The following AFF1 variants were observed in gnomAD, a reference collection of about 807,000 sequenced individuals.
AFF1 encodes the protein ALF transcription elongation factor 1.
In AFF1, 48 loss-of-function variants were observed where a neutral mutation model predicts 121.7. The observed-to-expected ratio is 0.39, with a 90% confidence interval of 0.31 to 0.50. The LOEUF is 0.50. Ranked by LOEUF, AFF1 falls within the 20% of genes least tolerant of loss-of-function variation. The pLI, the probability that AFF1 is intolerant of heterozygous loss-of-function variation, is 0.76. For missense variants in AFF1, 1,523 were observed against 1,511.7 expected (o/e 1.01, Z -0.12); for synonymous variants, 613 against 563.0 (o/e 1.09, Z -1.26).
intron 2 of AFF1, among the ~76,000 whole-genome samples, chr4:87,016,080 C>T (rs1017987056): frequency 2.4e-4 from 37 of 152,082 alleles, no homozygotes; most frequent in Admixed American, 2.2e-3. Context: ...ACTCGGGAGG[C>T]TGAGGCAGGA....
intron 12 of AFF1, among the ~76,000 whole-genome samples, chr4:87,120,178 C>T (rs1341399184): frequency 6.6e-6 from 1 of 152,220 alleles, no homozygotes; most frequent in Non-Finnish European, 1.5e-5. Context: ...TTCTGTAGCA[C>T]TCACCCCAGT....
intron 8 of AFF1, among the ~76,000 whole-genome samples, chr4:87,102,091 G>A (rs566368792): frequency 1.3e-5 from 2 of 152,268 alleles, no homozygotes; most frequent in East Asian, 1.9e-4. Flanking sequence ...TTGTACAAAG[G>A]GTTTTGAGAA....
At chr4:87,097,386 T>G (rs1724982372) in intron 8 of AFF1, among the ~76,000 whole-genome samples, 1 of 152,136 alleles carries the variant, frequency 6.6e-6, no homozygotes, top group Non-Finnish European at 1.5e-5. Context: ...CCACTCCAAT[T>G]TCCATCAGCT....
chr4:87,077,896 A>G (rs1467727661), intron 4 of AFF1, among the ~76,000 whole-genome samples: 1 of 152,228 alleles, frequency 6.6e-6, no homozygotes, highest in Non-Finnish European at 1.5e-5. Context: ...CTGTAGATAC[A>G]CATTTAGATT....
chr4:86,976,896 A>G (rs1723344320), intron 2 of AFF1, among the ~76,000 whole-genome samples: 1 of 152,222 alleles, frequency 6.6e-6, no homozygotes, highest in Admixed American at 6.5e-5. Context: ...CACTGAAATG[A>G]TGATAGCACC....
intron 2 of AFF1, 24 bp from the exon 3 acceptor site, chr4:87,046,142 A>T (rs1196623166): frequency 1.2e-6 from 2 of 1,606,260 alleles, no homozygotes; most frequent in Non-Finnish European, 1.7e-6. Context: ...TATTGTTTTC[A>T]TTCTTTTGTG....
At chr4:87,100,323 C>T (rs1427890355) in intron 8 of AFF1, among the ~76,000 whole-genome samples, 2 of 152,098 alleles carry the variant, frequency 1.3e-5, no homozygotes, top group Non-Finnish European at 2.9e-5. Context: ...CCAAGAACCT[C>T]CATAACCTAT....
At chr4:87,043,825 CTTTT>C (rs10543473) in intron 2 of AFF1, among the ~76,000 whole-genome samples, 1 of 149,926 alleles carries the variant, frequency 6.7e-6, no homozygotes, top group Non-Finnish European at 1.5e-5. Context: ...TTCTTTCTTT[CTTTT>C]TTTTTTTGAG....
intron 2 of AFF1, among the ~76,000 whole-genome samples, chr4:86,970,600 T>C (rs1240882904): frequency 6.6e-6 from 1 of 152,172 alleles, no homozygotes; most frequent in Non-Finnish European, 1.5e-5. Flanking sequence ...TGGGTAAACA[T>C]GTATTATAGA....
intron 1 of AFF1, among the ~76,000 whole-genome samples, chr4:86,939,373 T>G (rs1297843744): frequency 6.6e-6 from 1 of 152,238 alleles, no homozygotes; most frequent in African/African-American, 2.4e-5. Flanking sequence ...TTTTCAAGAA[T>G]TACAGCTTGA....
intron 7 of AFF1, among the ~76,000 whole-genome samples, chr4:87,093,456 T>A (rs1356417951): frequency 6.6e-6 from 1 of 152,232 alleles, no homozygotes; most frequent in African/African-American, 2.4e-5. Context: ...AACTCTGATT[T>A]CTTCAACACT....
intron 2 of AFF1, among the ~76,000 whole-genome samples, chr4:86,986,716 T>C (rs994340357): frequency 3.3e-5 from 5 of 152,108 alleles, no homozygotes; most frequent in African/African-American, 1.2e-4. Context: ...CTGAACACAC[T>C]AATGAAATTG....
Position 86,935,259 on chromosome 4 carries a change from C to T in AFF1, c.-37+19C>T, listed in dbSNP as rs1748353642. On this transcript the variant is annotated intron_variant, in intron 1 of 20. Coordinates refer to ENST00000395146, the MANE Select transcript of AFF1 (RefSeq NM_001166693.3). ...CTGGAAGGTGAGCGCAGCCCTGCGC[C>T]ACCCAGGGCTGGGGGTCGATCCGCC... 6.6e-6 allele frequency: 1 copy of T among 152,324 alleles called. No individual in the cohort carries two copies. Among genetic ancestry groups the T allele is most frequent in the Non-Finnish European group, 1.5e-5 (1 of 68,138 alleles). The allele number at this position is 152,324 out of a possible 1,614,324, so 9.4% of individuals were successfully genotyped here. A position where few individuals can be genotyped will look rare whatever the true frequency, so the allele number is the denominator to read the frequency against.
At chr4:87,023,100 G>T (rs116940334) in intron 2 of AFF1, among the ~76,000 whole-genome samples, 2,468 of 151,772 alleles carry the variant, frequency 0.016, 114 homozygotes, top group East Asian at 0.11. Context: ...GTAGAGATGG[G>T]GTCTTTCTTT....
chr4:87,061,151 G>A (rs1293155313), intron 4 of AFF1, among the ~76,000 whole-genome samples: 1 of 152,172 alleles, frequency 6.6e-6, no homozygotes, highest in African/African-American at 2.4e-5. Flanking sequence ...TAACTACACT[G>A]TGGTTTGTTT....
intron 4 of AFF1, among the ~76,000 whole-genome samples, chr4:87,063,669 A>T (rs1254103917): frequency 6.6e-6 from 1 of 152,196 alleles, no homozygotes; most frequent in Non-Finnish European, 1.5e-5. Context: ...GTTAGAATGC[A>T]TGGGTTCATT....
At chr4:87,038,601 C>T (rs532976944) in intron 2 of AFF1, among the ~76,000 whole-genome samples, 8 of 152,280 alleles carry the variant, frequency 5.3e-5, no homozygotes, top group South Asian at 2.1e-4. Context: ...AGCATCCTGT[C>T]TTTTTGCCTC....
chr4:86,968,100 A>G (rs1242026867), intron 2 of AFF1, among the ~76,000 whole-genome samples: 1 of 152,120 alleles, frequency 6.6e-6, no homozygotes, highest in African/African-American at 2.4e-5. Context: ...AGGTGGGGAG[A>G]AGAGGTTCAG....
intron 8 of AFF1, among the ~76,000 whole-genome samples, chr4:87,100,344 G>A (rs967988472): frequency 9.2e-5 from 14 of 151,780 alleles, no homozygotes; most frequent in Non-Finnish European, 1.9e-4. Flanking sequence ...CCCCTACCAC[G>A]GCCTGTCCCT....
Sources: allele counts gnomAD v4.1 joint callset (sites outside exome capture counted in the v4.1 genomes callset), GRCh38; gene constraint gnomAD v4.1.1; transcripts MANE v1.5; gene names NCBI Gene and HGNC (gene_info 2026-07-23, HGNC 2026-07-21).